RANBP17: variants seen among roughly 807,000 people sequenced by gnomAD.
RANBP17 encodes RAN binding protein 17.
RANBP17 carries 158 observed loss-of-function variants against 141.2 expected under a neutral mutation model. That is an observed-to-expected ratio of 1.12 (90% CI 0.98 to 1.28). The LOEUF (loss-of-function observed/expected upper bound fraction) is 1.28. Among genes scored for constraint, RANBP17 ranks in the 50% most tolerant of loss-of-function variants. The probability of loss-of-function intolerance (pLI) is 0.00; values close to 1 mark genes in which losing one functional copy is unlikely to be tolerated. For synonymous variants in RANBP17, 430 were observed against 450.0 expected (o/e 0.96, Z 0.56); for missense variants, 1,438 against 1,290.7 (o/e 1.11, Z -1.75).
In RANBP17 at chr5:171,297,745, G is replaced by A. The variant is rs534683659; in HGVS notation, c.3171-1017G>A. On this transcript the variant is annotated intron_variant, in intron 27 of 27. Coordinates refer to ENST00000523189, the MANE Select transcript of RANBP17 (RefSeq NM_022897.5). The stretch of plus-strand genomic sequence containing the variant: ...TGGCAGGTGGCCCTCGTAGTTTAAT[G>A]AGAGTAATAGGCAGTGAAGACTGAC... Among the ~76,000 whole-genome samples, 3 of 151,262 alleles carry A rather than the reference G, an allele frequency of 2.0e-5. No individual in the cohort carries two copies. The East Asian group carries it at 5.9e-4, about 30-fold the overall frequency.
At chr5:170,872,507 C>G (rs1213135571) in intron 1 of RANBP17, among the ~76,000 whole-genome samples, 2 of 152,138 alleles carry the variant, frequency 1.3e-5, no homozygotes, top group Non-Finnish European at 1.5e-5. Flanking sequence ...TTATTTCTTT[C>G]TTTTGCCAGA....
chr5:171,028,900 G>A (rs1236937504), intron 14 of RANBP17: 2 of 1,288,352 alleles, frequency 1.6e-6, no homozygotes, highest in Admixed American at 2.3e-5. Context: ...TGAAGGGCTT[G>A]TGGCAAACCT....
chr5:170,895,710 A>T (rs988744939), intron 4 of RANBP17, among the ~76,000 whole-genome samples: 1 of 152,180 alleles, frequency 6.6e-6, no homozygotes, highest in African/African-American at 2.4e-5. Context: ...TTGGTCTTAT[A>T]AAAGGTATTA....
At chr5:170,950,086 A>G (rs1775086799) in intron 12 of RANBP17, among the ~76,000 whole-genome samples, 1 of 152,202 alleles carries the variant, frequency 6.6e-6, no homozygotes, top group Non-Finnish European at 1.5e-5. Context: ...TACCGTATAC[A>G]AAAATGAAAT....
In RANBP17 at chr5:171,265,793, G is replaced by A. The variant is rs1766632673; in HGVS notation, c.2889G>A (p.Gln963=). 6.2e-7 allele frequency: 1 copy of A among 1,614,130 alleles called. No homozygotes were observed. Among genetic ancestry groups the A allele is most frequent in the African/African-American group, 1.3e-5 (1 of 75,028 alleles). The change falls in exon 25 of 28, where the codon CAG becomes CAA. Residue 963 remains glutamine, a synonymous_variant. Coordinates refer to ENST00000523189, the MANE Select transcript of RANBP17 (RefSeq NM_022897.5). ...KKPLRCREAT[Q]AGQRLLHFMQ... ...CACTTCGATGCAGAGAGGCTACCCA[G>A]GCTGGTCAGAGACTATTACATTTTA...
intron 14 of RANBP17, among the ~76,000 whole-genome samples, chr5:171,161,230 C>T (rs1182425205): frequency 1.3e-5 from 2 of 152,182 alleles, no homozygotes; most frequent in Non-Finnish European, 2.9e-5. Context: ...AGAATTTGAA[C>T]AGGACTTCAC....
intron 1 of RANBP17, among the ~76,000 whole-genome samples, chr5:170,870,587 A>G (rs1273213669): frequency 6.6e-6 from 1 of 152,138 alleles, no homozygotes; most frequent in Non-Finnish European, 1.5e-5. Flanking sequence ...TCCATGGCTT[A>G]TATGTACCAC....
intron 14 of RANBP17, among the ~76,000 whole-genome samples, chr5:170,972,409 C>G (rs1160594854): frequency 6.6e-6 from 1 of 152,060 alleles, no homozygotes. Context: ...GTTTCGAACT[C>G]CTGACCTCAG....
At chr5:171,123,148 C>T (rs1156611671) in intron 14 of RANBP17, among the ~76,000 whole-genome samples, 5 of 152,182 alleles carry the variant, frequency 3.3e-5, no homozygotes, top group Non-Finnish European at 4.4e-5. Flanking sequence ...GGGTTGCTGA[C>T]ATACCTGCAT....
At chr5:171,250,389 C>G (rs745949190) in intron 24 of RANBP17, among the ~76,000 whole-genome samples, 10 of 152,048 alleles carry the variant, frequency 6.6e-5, no homozygotes, top group Non-Finnish European at 1.3e-4. Context: ...AGAAATTCAC[C>G]AAACCACAAT....
intron 12 of RANBP17, among the ~76,000 whole-genome samples, chr5:170,939,359 T>TTTTA (rs370040899): frequency 0.047 from 6,972 of 147,586 alleles, 159 homozygotes; most frequent in Middle Eastern, 0.088. Flanking sequence ...AAAAATTTTA[T>TTTTA]TTTATTTATT....
intron 1 of RANBP17, among the ~76,000 whole-genome samples, chr5:170,869,964 T>C (rs555130457): frequency 6.6e-6 from 1 of 152,168 alleles, no homozygotes; most frequent in Non-Finnish European, 1.5e-5. Flanking sequence ...CTAGTCTCAT[T>C]TTTGCTGCCT....
chr5:170,944,889 A>G (rs1308142933), intron 12 of RANBP17, among the ~76,000 whole-genome samples: 2 of 152,226 alleles, frequency 1.3e-5, no homozygotes, highest in African/African-American at 4.8e-5. Context: ...CACATTTTAT[A>G]TTTAGATACT....
intron 1 of RANBP17, among the ~76,000 whole-genome samples, chr5:170,876,435 T>C (rs983953657): frequency 6.6e-6 from 1 of 152,210 alleles, no homozygotes; most frequent in Non-Finnish European, 1.5e-5. Flanking sequence ...TACGTATTCA[T>C]GAACTATAAA....
intron 12 of RANBP17, among the ~76,000 whole-genome samples, chr5:170,936,012 G>C (rs1273983891): frequency 6.6e-6 from 1 of 152,178 alleles, no homozygotes; most frequent in African/African-American, 2.4e-5. Context: ...CCCTTCCCCA[G>C]CCTCGCTGCC....
In RANBP17 at chr5:171,252,687, T is replaced by A. The variant is rs1209605903; in HGVS notation, c.2776+9867T>A. ...TTAGTCTATTTAACACTTCAGGTGA[T>A]GCCACCAATCCAGACAGAATGTACA... On this transcript the variant is annotated intron_variant, in intron 24 of 27. Coordinates refer to ENST00000523189, the MANE Select transcript of RANBP17 (RefSeq NM_022897.5). The A allele has an allele frequency of 7.4e-5, 108 of 1,452,110 alleles. 1 individual carries two copies. In the Admixed American group the frequency reaches 1.8e-3, roughly 24 times the overall value. 90.0% of individuals were successfully genotyped at this position (1,452,110 alleles called of 1,614,324 possible).
intron 25 of RANBP17, among the ~76,000 whole-genome samples, chr5:171,266,643 G>A (rs181529085): frequency 4.6e-5 from 7 of 152,180 alleles, no homozygotes; most frequent in Admixed American, 2.6e-4. Context: ...GGCCAGGCAC[G>A]GTGGTCATGC....
chr5:171,018,622 G>C (rs757500285), intron 14 of RANBP17, among the ~76,000 whole-genome samples: 1 of 152,156 alleles, frequency 6.6e-6, no homozygotes, highest in Admixed American at 6.5e-5. Context: ...GTGAGACTTT[G>C]CTGAAGTTCC....
chr5:171,298,262 C>G (rs930772353), intron 27 of RANBP17, among the ~76,000 whole-genome samples: 1 of 152,130 alleles, frequency 6.6e-6, no homozygotes, highest in African/African-American at 2.4e-5. Context: ...AGTGGTAGAG[C>G]TAGGATTTGA....
Sources: gnomAD v4.1 joint callset for allele counts (sites outside exome capture counted in the v4.1 genomes callset) on GRCh38, gnomAD v4.1.1 for gene constraint, MANE v1.5 for transcripts, NCBI Gene and HGNC (gene_info 2026-07-23, HGNC 2026-07-21) for gene names.